Variants in NAALAD2 observed in about 807,000 individuals in gnomAD.
The protein encoded by NAALAD2 is N-acetylated-alpha-linked acidic dipeptidase 2.
NAALAD2 carries 89 observed loss-of-function variants against 95.6 expected under a neutral mutation model. The observed-to-expected ratio is 0.93, with a 90% confidence interval of 0.78 to 1.11. The LOEUF (loss-of-function observed/expected upper bound fraction) is 1.11, where lower values mean the gene tolerates loss of function less well. Ranked by LOEUF, NAALAD2 falls within the 50% of genes least tolerant of loss-of-function variation. The pLI is 0.00. For missense variants in NAALAD2, 894 were observed against 872.4 expected (o/e 1.02, Z -0.31); for synonymous variants, 264 against 294.4 (o/e 0.90, Z 1.06).
Position 90,181,669 on chromosome 11 carries a change from T to G in NAALAD2, c.1908T>G (p.Phe636Leu). ...VKNFSEAASD[F>L]HKRLIQVDLN... Reference sequence around the variant, plus strand: ...ACTTCTCAGAGGCTGCTTCAGATTTTCATAAACGACTTATACAAGTTGATC... The same window carrying G: ...ACTTCTCAGAGGCTGCTTCAGATTTGCATAAACGACTTATACAAGTTGATC... The change falls in exon 17 of 19, where the codon TTT becomes TTG. Residue 636 changes from phenylalanine (F) to leucine (L), a missense_variant. Phe to Leu is a conservative substitution (Grantham distance 22). Coordinates refer to ENST00000534061, the MANE Select transcript of NAALAD2 (RefSeq NM_005467.4). The G allele has an allele frequency of 6.2e-7, 1 of 1,606,752 alleles. No homozygotes were observed. The highest frequency in any genetic ancestry group is 8.5e-7 in the Non-Finnish European group (1 of 1,176,364).
At chr11:90,146,548 C>T (rs1032005821) in intron 2 of NAALAD2, among the ~76,000 whole-genome samples, 6 of 151,310 alleles carry the variant, frequency 4.0e-5, no homozygotes, top group Admixed American at 6.6e-5. Context: ...TTGGTAGATA[C>T]GGGGTAGTTC....
chr11:90,169,699 T>C, intron 12 of NAALAD2: 1 of 180,102 alleles, frequency 5.6e-6, no homozygotes, highest in East Asian at 1.6e-4. Context: ...CTGACATGGC[T>C]TTGTCTAATA....
intron 14 of NAALAD2, among the ~76,000 whole-genome samples, chr11:90,174,810 T>C (rs992327820): frequency 2.0e-5 from 3 of 152,144 alleles, no homozygotes; most frequent in African/African-American, 4.8e-5. Context: ...TAATACAGAC[T>C]GAGCATTCCT....
chr11:90,153,481 A>C (rs2083725858), intron 6 of NAALAD2, among the ~76,000 whole-genome samples: 1 of 152,104 alleles, frequency 6.6e-6, no homozygotes, highest in Admixed American at 6.6e-5. Flanking sequence ...ACATTCTAAC[A>C]GATGCATACA....
intron 18 of NAALAD2, among the ~76,000 whole-genome samples, chr11:90,187,301 ACC>A (rs1339601591): frequency 3.9e-5 from 6 of 152,084 alleles, no homozygotes; most frequent in Admixed American, 3.9e-4. Flanking sequence ...ATAGCATTTG[ACC>A]CAGGGTAAAC....
chr11:90,190,536 TCTTC>T (rs1857293417), intron 18 of NAALAD2, among the ~76,000 whole-genome samples: 1 of 152,228 alleles, frequency 6.6e-6, no homozygotes, highest in South Asian at 2.1e-4. Flanking sequence ...TTTGCTATAT[TCTTC>T]CTTTACAATT....
At chr11:90,174,091 G>A (rs899102595) in intron 14 of NAALAD2, among the ~76,000 whole-genome samples, 176 bp downstream of exon 14, 2 of 152,142 alleles carry the variant, frequency 1.3e-5, no homozygotes, top group Admixed American at 6.5e-5. Context: ...TAGCACTTTG[G>A]GAGGCCGAGG....
intron 18 of NAALAD2, among the ~76,000 whole-genome samples, chr11:90,189,159 G>A (rs943951594): frequency 6.6e-6 from 1 of 152,166 alleles, no homozygotes; most frequent in Non-Finnish European, 1.5e-5. Flanking sequence ...TGCGGATTTT[G>A]ATGGTGGAGG....
intron 2 of NAALAD2, among the ~76,000 whole-genome samples, chr11:90,142,961 A>G (rs1381951751): frequency 6.6e-6 from 1 of 152,048 alleles, no homozygotes; most frequent in South Asian, 2.1e-4. Context: ...CACTTAATAC[A>G]AAATGGAGAA....
intron 9 of NAALAD2, 88 bp downstream of exon 9, chr11:90,163,122 GT>G (rs2134918480): frequency 4.1e-6 from 5 of 1,221,106 alleles, no homozygotes; most frequent in Non-Finnish European, 4.6e-6. Flanking sequence ...TTGAAGTGGG[GT>G]TTTTTGGCTG....
At chr11:90,185,893 ATTTG>A (rs1857127245) in intron 18 of NAALAD2, among the ~76,000 whole-genome samples, 1 of 128,598 alleles carries the variant, frequency 7.8e-6, no homozygotes. Context: ...TTAAAATTTT[ATTTG>A]TTTTCACAGA....
intron 11 of NAALAD2, among the ~76,000 whole-genome samples, chr11:90,168,151 G>A: frequency 6.6e-6 from 1 of 152,020 alleles, no homozygotes; most frequent in East Asian, 1.9e-4. Context: ...ACTCCAGATG[G>A]GCCGCCTTAA....
intron 6 of NAALAD2, among the ~76,000 whole-genome samples, chr11:90,156,651 C>A (rs914394982): frequency 1.3e-5 from 2 of 151,994 alleles, no homozygotes; most frequent in African/African-American, 4.8e-5. Context: ...AGTGGTCCAA[C>A]CATCGCTCAC....
At chr11:90,150,390 T>G in intron 4 of NAALAD2, 92 bp from the exon 5 acceptor site, 1 of 701,606 alleles carries the variant, frequency 1.4e-6, no homozygotes, top group Non-Finnish European at 2.2e-6. Flanking sequence ...AGGAAACACT[T>G]TTGATGATGT....
chr11:90,184,328 G>A (rs1857057982), intron 18 of NAALAD2, among the ~76,000 whole-genome samples: 4 of 152,110 alleles, frequency 2.6e-5, no homozygotes. Flanking sequence ...AGATCCCTCA[G>A]CTACTAAGTG....
At chr11:90,168,415 G>C (rs1268292818) in intron 11 of NAALAD2, among the ~76,000 whole-genome samples, 1 of 152,238 alleles carries the variant, frequency 6.6e-6, no homozygotes. Context: ...GCTGAGTCAA[G>C]AGAATTGTTT....
At chr11:90,147,655 T>A in intron 3 of NAALAD2, 139 bp downstream of exon 3, 1 of 772,568 alleles carries the variant, frequency 1.3e-6, no homozygotes. Flanking sequence ...TGGTGTTAAG[T>A]CCTGAGGCCA....
At chr11:90,158,395 A>G (rs941185376) in intron 7 of NAALAD2, 157 bp downstream of exon 7, 17 of 553,058 alleles carry the variant, frequency 3.1e-5, no homozygotes, top group African/African-American at 2.8e-4. Flanking sequence ...TTTTTATTTC[A>G]TAAAAGTAGT....
intron 3 of NAALAD2, 142 bp downstream of exon 3, chr11:90,147,658 T>C: frequency 1.3e-6 from 1 of 757,794 alleles, no homozygotes; most frequent in Non-Finnish European, 2.1e-6. Context: ...TGTTAAGTCC[T>C]GAGGCCAGAA....
Sources: gnomAD v4.1 joint callset for allele counts (sites outside exome capture counted in the v4.1 genomes callset) on GRCh38, gnomAD v4.1.1 for gene constraint, MANE v1.5 for transcripts, NCBI Gene and HGNC (gene_info 2026-07-23, HGNC 2026-07-21) for gene names.